Variants in PINX1 observed in about 807,000 individuals in gnomAD.
PINX1 encodes PIN2 (TERF1) interacting telomerase inhibitor 1.
Under a neutral mutation model 25.4 loss-of-function variants are expected in PINX1, and 34 were observed. That is an observed-to-expected ratio of 1.34 (90% CI 1.02 to 1.78). The LOEUF is 1.78. Among genes scored for constraint, PINX1 ranks in the 40% most tolerant of loss-of-function variants. The pLI is 0.00. For synonymous variants in PINX1, 197 were observed against 147.7 expected (o/e 1.33, Z -2.42); for missense variants, 592 against 404.9 (o/e 1.46, Z -3.97).
chr8:10,790,403 G>A lies in PINX1; in HGVS notation c.472-24487C>T, dbSNP rs950869038. On this transcript the variant is annotated intron_variant, in intron 6 of 6. Coordinates refer to ENST00000314787, the MANE Select transcript of PINX1 (RefSeq NM_017884.6). ...TGGAGGAAAAGTTAACAGCACGAGC[G>A]ATGAGATGACAGGCAAGCCAGGGGG... 1.3e-5 allele frequency among the ~76,000 whole-genome samples: 2 copies of A among 152,150 alleles called. 1 individual carries two copies. Among genetic ancestry groups the A allele is most frequent in the South Asian group, 4.1e-4 (2 of 4,826 alleles).
intron 6 of PINX1, among the ~76,000 whole-genome samples, chr8:10,779,586 C>G: frequency 6.6e-6 from 1 of 152,148 alleles, no homozygotes; most frequent in East Asian, 1.9e-4. Flanking sequence ...TGGCATTACT[C>G]TGTAACTATT....
chr8:10,829,416 G>A (rs1259062435), intron 4 of PINX1, among the ~76,000 whole-genome samples: 2 of 152,078 alleles, frequency 1.3e-5, no homozygotes, highest in South Asian at 4.1e-4. Context: ...ACACTATCAG[G>A]AGGCTTACAG....
intron 6 of PINX1, among the ~76,000 whole-genome samples, chr8:10,767,583 C>T (rs1371073129): frequency 6.6e-6 from 1 of 152,196 alleles, no homozygotes; most frequent in African/African-American, 2.4e-5. Flanking sequence ...GGAGATTTGT[C>T]TTTTTGTTCT....
intron 6 of PINX1, among the ~76,000 whole-genome samples, chr8:10,793,283 G>C (rs988225345): frequency 2.0e-5 from 3 of 152,046 alleles, no homozygotes; most frequent in African/African-American, 7.3e-5. Flanking sequence ...AATTATTATT[G>C]ACAAGTTCTT....
intron 3 of PINX1, among the ~76,000 whole-genome samples, 192 bp from the exon 4 acceptor site, chr8:10,831,935 A>G (rs1327714839): frequency 1.3e-5 from 2 of 152,268 alleles, no homozygotes; most frequent in African/African-American, 4.8e-5. Flanking sequence ...ATCCAGGTCA[A>G]TATTAAAAAG....
At chr8:10,776,896 T>G (rs934877634) in intron 6 of PINX1, among the ~76,000 whole-genome samples, 3 of 152,146 alleles carry the variant, frequency 2.0e-5, no homozygotes, top group African/African-American at 7.2e-5. Context: ...TTTCATGATG[T>G]CACAGAAGGA....
At chr8:10,826,695 C>T (rs1798060319) in intron 4 of PINX1, among the ~76,000 whole-genome samples, 2 of 152,172 alleles carry the variant, frequency 1.3e-5, no homozygotes, top group Non-Finnish European at 1.5e-5. Context: ...CCGCTGCCAC[C>T]GCAATGGCCA....
intron 5 of PINX1, among the ~76,000 whole-genome samples, chr8:10,825,918 G>C (rs1164725415): frequency 6.6e-6 from 1 of 152,214 alleles, no homozygotes; most frequent in Non-Finnish European, 1.5e-5. Flanking sequence ...CACAGGACTT[G>C]TTTACAGTCT....
chr8:10,827,311 G>A (rs1054592803), intron 4 of PINX1, among the ~76,000 whole-genome samples: 4 of 152,132 alleles, frequency 2.6e-5, no homozygotes, highest in African/African-American at 7.2e-5. Context: ...TCAGGGTTTC[G>A]GGAAGGACAA....
chr8:10,837,311 AG>A (rs1011477857), intron 1 of PINX1, among the ~76,000 whole-genome samples: 13 of 152,144 alleles, frequency 8.5e-5, no homozygotes, highest in African/African-American at 3.1e-4. Flanking sequence ...TCACTACTGG[AG>A]GAATTAAGCG....
At chr8:10,800,031 G>C (rs1225182975) in intron 6 of PINX1, among the ~76,000 whole-genome samples, 3 of 152,200 alleles carry the variant, frequency 2.0e-5, no homozygotes, top group Non-Finnish European at 4.4e-5. Context: ...TCTGCGTGAT[G>C]ACACATCCCG....
At chr8:10,832,323 C>G (rs1798248436) in intron 3 of PINX1, among the ~76,000 whole-genome samples, 1 of 152,176 alleles carries the variant, frequency 6.6e-6, no homozygotes, top group Non-Finnish European at 1.5e-5. Flanking sequence ...GAATGAAGAT[C>G]TCCCAAACCA....
chr8:10,821,532 CA>C (rs770172713), intron 5 of PINX1, among the ~76,000 whole-genome samples: 58 of 152,208 alleles, frequency 3.8e-4, no homozygotes, highest in Non-Finnish European at 6.5e-4. Flanking sequence ...AGGACCTACA[CA>C]AAAAGACCCA....
chr8:10,771,101 G>A (rs1450077237), intron 6 of PINX1: 1 of 152,246 alleles, frequency 6.6e-6, no homozygotes. Context: ...AGCTTGGCAA[G>A]TGAGTGGTTT....
At chr8:10,772,907 C>T (rs1043608381) in intron 6 of PINX1, among the ~76,000 whole-genome samples, 3 of 150,308 alleles carry the variant, frequency 2.0e-5, no homozygotes, top group Non-Finnish European at 3.0e-5. Flanking sequence ...GAACTATGGC[C>T]GTGGGCCTAG....
intron 6 of PINX1, among the ~76,000 whole-genome samples, chr8:10,813,999 A>C (rs1797615827): frequency 6.6e-6 from 1 of 152,130 alleles, no homozygotes. Context: ...ATTGCAAACC[A>C]AGTGAGAGAA....
At position 10,789,358 on chromosome 8, in the gene PINX1, T is replaced by C. The variant is rs561429927; in HGVS notation, c.472-23442A>G. On this transcript the variant is annotated intron_variant, in intron 6 of 6. Transcript: ENST00000314787. Reference sequence around the variant, plus strand: ...GCCATGTGATGTTTTGACCTACATATACATAGCAAAATGATCCCCACAGTC... The same window carrying C: ...GCCATGTGATGTTTTGACCTACATACACATAGCAAAATGATCCCCACAGTC... 1.3e-3 allele frequency among the ~76,000 whole-genome samples: 202 copies of C among 152,342 alleles called. 1 individual carries two copies. The highest frequency in any genetic ancestry group is 4.7e-3 in the African/African-American group (194 of 41,574).
chr8:10,782,069 TAAGTGAAATAAACCAGACAGGA>T (rs1489893342), intron 6 of PINX1, among the ~76,000 whole-genome samples: 1 of 152,106 alleles, frequency 6.6e-6, no homozygotes, highest in Non-Finnish European at 1.5e-5. Context: ...GACACTATGG[TAAGTGAAATAAACCAGACAGGA>T]AAGAAAAACA....
At chr8:10,782,135 T>C (rs1167384938) in intron 6 of PINX1, among the ~76,000 whole-genome samples, 1 of 151,880 alleles carries the variant, frequency 6.6e-6, no homozygotes, top group Non-Finnish European at 1.5e-5. Context: ...GGAATAGAAA[T>C]AGAGAGTAAG....
Sources: allele counts gnomAD v4.1 joint callset (sites outside exome capture counted in the v4.1 genomes callset), GRCh38; gene constraint gnomAD v4.1.1; transcripts MANE v1.5; gene names NCBI Gene and HGNC (gene_info 2026-07-23, HGNC 2026-07-21).